GRAMD1B: variants seen among roughly 807,000 people sequenced by gnomAD.
GRAMD1B encodes the protein GRAM domain containing 1B.
A neutral mutation model predicts 99.7 loss-of-function variants in GRAMD1B; 37 were observed. The ratio of observed to expected loss-of-function variants is 0.37; its 90% confidence interval spans 0.29 to 0.49. The LOEUF is 0.49. Among genes scored for constraint, GRAMD1B ranks in the 20% least tolerant of loss-of-function variants. The pLI is 0.98. For synonymous variants in GRAMD1B, 427 were observed against 387.6 expected, an observed-to-expected ratio of 1.10 and a Z score of -1.19; for missense variants, 888 against 1,009.2, an observed-to-expected ratio of 0.88 and a Z score of 1.63.
At position 123,492,857 on chromosome 11, in the gene GRAMD1B, T is replaced by TCCACAC. The variant is rs1938719002; in HGVS notation, c.452+11964_452+11965insCCACAC. Among the ~76,000 whole-genome samples the TCCACAC allele has an allele frequency of 1.4e-5, 1 of 69,092 alleles. No individual in the cohort carries two copies. Among genetic ancestry groups the TCCACAC allele is most frequent in the Admixed American group, 1.3e-4 (1 of 7,680 alleles). The allele number at this position is 69,092 out of a possible 152,430, so 45.3% of individuals were successfully genotyped here. A position where few individuals can be genotyped will look rare whatever the true frequency, so the allele number is the denominator to read the frequency against. The stretch of plus-strand genomic sequence containing the variant: ...CCTCTCTCTCTCTCTGTCTCTCTCT[T>TCCACAC]TCACACATACACACACACACACACA... On this transcript the variant is annotated intron_variant, in intron 2 of 19. Transcript: ENST00000635736. The surrounding 1 kb of genome is among the most constrained non-coding windows in gnomAD (Gnocchi z 4.2).
intron 3 of GRAMD1B, among the ~76,000 whole-genome samples, chr11:123,583,007 A>C (rs1148119): frequency 0.99 from 150,345 of 152,262 alleles, 74,236 homozygotes; most frequent in East Asian, 1. Flanking sequence ...TGCATGCGCA[A>C]GTGTGTGCGT....
intron 2 of GRAMD1B, among the ~76,000 whole-genome samples, chr11:123,548,878 G>A (rs1334698566): frequency 2.6e-5 from 4 of 152,278 alleles, no homozygotes; most frequent in Middle Eastern, 3.4e-3. Context: ...CAGAGCACTG[G>A]GATTATAGGC....
At chr11:123,449,587 C>T (rs769880443) in intron 1 of GRAMD1B, among the ~76,000 whole-genome samples, 21 of 151,884 alleles carry the variant, frequency 1.4e-4, no homozygotes, top group Admixed American at 3.9e-4. Context: ...GCAGACACTG[C>T]TTTTTATTTT....
At chr11:123,612,736 A>G in intron 14 of GRAMD1B, 25 bp from the exon 15 acceptor site, 4 of 1,361,050 alleles carry the variant, frequency 2.9e-6, no homozygotes, top group Non-Finnish European at 4.2e-6. Flanking sequence ...GAAATGACTG[A>G]TCTTGTGTCT....
At chr11:123,548,325 T>TATATATATATATAC (rs1555067740) in intron 2 of GRAMD1B, among the ~76,000 whole-genome samples, 13 of 86,898 alleles carry the variant, frequency 1.5e-4, no homozygotes, top group East Asian at 4.1e-4. Context: ...TATATATATA[T>TATATATATATATAC]ACACACACAC....
intron 2 of GRAMD1B, among the ~76,000 whole-genome samples, chr11:123,486,564 A>G (rs558622091): frequency 1.4e-5 from 2 of 147,716 alleles, no homozygotes; most frequent in African/African-American, 2.5e-5. Context: ...GAAAAAAAAA[A>G]AAAAACAAAA....
chr11:123,444,759 C>G (rs1003402801), intron 1 of GRAMD1B, among the ~76,000 whole-genome samples: 6 of 152,090 alleles, frequency 3.9e-5, no homozygotes, highest in African/African-American at 1.4e-4. Flanking sequence ...AGCACCTGCA[C>G]GAGTTCAGCA....
At chr11:123,400,575 G>T (rs770860437) in intron 1 of GRAMD1B, among the ~76,000 whole-genome samples, 43 of 152,132 alleles carry the variant, frequency 2.8e-4, no homozygotes, top group Non-Finnish European at 5.4e-4. Context: ...TGTCTGGTGA[G>T]GGACTGTTTC....
chr11:123,454,834 GA>G lies in GRAMD1B; in HGVS notation c.374+23669del, dbSNP rs1181417110. The stretch of plus-strand genomic sequence containing the variant: ...AGGTTGTAAAGAAGAACCAAGGTAA[GA>G]TTTAAAGATTGCCTCTGAGAGATAG... On this transcript the variant is annotated intron_variant, in intron 1 of 19. Transcript: ENST00000635736. 4.6e-5 allele frequency: 7 copies of G among 152,314 alleles called. No homozygotes were observed. The East Asian group carries it at 1.3e-3, about 29-fold the overall frequency. The allele number at this position is 152,314 out of a possible 1,614,324, so 9.4% of individuals were successfully genotyped here.
At position 123,623,898 on chromosome 11, in the gene GRAMD1B, C is replaced by G. The variant is rs1260321898; in HGVS notation, c.*1303C>G. The G allele has an allele frequency of 6.6e-6, 1 of 152,652 alleles. No homozygotes were observed. The highest frequency in any genetic ancestry group is 1.5e-5 in the Non-Finnish European group (1 of 68,418). The allele number at this position is 152,652 out of a possible 1,614,324, so 9.5% of individuals were successfully genotyped here. ...GTTGGAGTACAAATCCTGCTCTGGT[C>G]TCTGGCCCCACAGAGGTGTAAGATC... is the stretch of plus-strand genomic sequence containing the variant. On this transcript the variant is annotated 3_prime_UTR_variant, in exon 20 of 20. Coordinates refer to ENST00000635736, the MANE Select transcript of GRAMD1B (RefSeq NM_001387025.1).
At chr11:123,547,661 CT>C (rs1460505028) in intron 2 of GRAMD1B, among the ~76,000 whole-genome samples, 1 of 152,254 alleles carries the variant, frequency 6.6e-6, no homozygotes, top group Non-Finnish European at 1.5e-5. Flanking sequence ...CTTAAGGCAT[CT>C]CTCCTTTAGT....
chr11:123,515,225 T>C (rs1276417496), intron 2 of GRAMD1B, among the ~76,000 whole-genome samples: 1 of 152,158 alleles, frequency 6.6e-6, no homozygotes, highest in Non-Finnish European at 1.5e-5. Context: ...GAGGAGACAG[T>C]GGGACAGTGA....
At chr11:123,565,202 CTTTT>C (rs59084399) in intron 2 of GRAMD1B, among the ~76,000 whole-genome samples, 1 of 126,238 alleles carries the variant, frequency 7.9e-6, no homozygotes, top group Non-Finnish European at 1.7e-5. Context: ...CTGGCTAATT[CTTTT>C]TTTTTTTTTT....
chr11:123,401,127 T>C (rs1947645628), intron 1 of GRAMD1B, among the ~76,000 whole-genome samples: 1 of 152,174 alleles, frequency 6.6e-6, no homozygotes, highest in Non-Finnish European at 1.5e-5. Flanking sequence ...GATGAAGAGA[T>C]GAAGGCAGAA....
intron 2 of GRAMD1B, among the ~76,000 whole-genome samples, chr11:123,568,608 G>A (rs1029156707): frequency 1.3e-5 from 2 of 152,218 alleles, no homozygotes; most frequent in Non-Finnish European, 2.9e-5. Context: ...TGTAGGAACT[G>A]TGACAGGGAA....
Position 123,610,191 on chromosome 11 carries a change from C to T in GRAMD1B, c.1777-5C>T, listed in dbSNP as rs374187128. 112 of 1,613,524 alleles carry T rather than the reference C, an allele frequency of 6.9e-5. No individual in the cohort carries two copies. Among genetic ancestry groups the T allele is most frequent in the African/African-American group, 1.5e-4 (11 of 74,854 alleles). ...TTTTGTCCAATGGACCTTTCCTGCCCGCAGACCATGTACAAGGCGAGCCAG... is the reference window on the plus strand; with the variant it reads ...TTTTGTCCAATGGACCTTTCCTGCCTGCAGACCATGTACAAGGCGAGCCAG... On this transcript the variant is annotated splice_region_variant and splice_polypyrimidine_tract_variant and intron_variant, in intron 13 of 19. Coordinates refer to ENST00000635736, the MANE Select transcript of GRAMD1B (RefSeq NM_001387025.1). This position sits in a 1 kb window ranked among gnomAD's most constrained non-coding sequence, Gnocchi z 4.1.
intron 1 of GRAMD1B, among the ~76,000 whole-genome samples, chr11:123,385,343 T>C (rs2135813863): frequency 6.6e-6 from 1 of 152,314 alleles, no homozygotes; most frequent in Admixed American, 6.5e-5. Context: ...ATCATCCTCA[T>C]TGTTCTTGAG....
At chr11:123,496,716 T>C (rs1272529785) in intron 2 of GRAMD1B, among the ~76,000 whole-genome samples, 1 of 151,790 alleles carries the variant, frequency 6.6e-6, no homozygotes, top group Non-Finnish European at 1.5e-5. Context: ...TCCTTCTGCT[T>C]GACCAGTTCT....
chr11:123,589,876 A>G (rs1950473006), intron 4 of GRAMD1B, among the ~76,000 whole-genome samples: 1 of 152,088 alleles, frequency 6.6e-6, no homozygotes. Flanking sequence ...TCCTAATCCT[A>G]TGCGGGCCAA....
Sources: gnomAD v4.1 joint callset for allele counts (sites outside exome capture counted in the v4.1 genomes callset) on GRCh38, gnomAD v4.1.1 for gene constraint, Gnocchi (gnomAD v3.1) non-coding constraint, MANE v1.5 for transcripts, NCBI Gene and HGNC (gene_info 2026-07-23, HGNC 2026-07-21) for gene names.